ACBD5: variants seen among roughly 807,000 people sequenced by gnomAD.
ACBD5 encodes the protein acyl-CoA binding domain containing 5, also known as acyl-CoA-binding domain-containing protein 5.
Under a neutral mutation model 71.8 loss-of-function variants are expected in ACBD5, and 40 were observed. That is an observed-to-expected ratio of 0.56 (90% CI 0.43 to 0.72). The LOEUF (loss-of-function observed/expected upper bound fraction) is 0.72, where lower values mean the gene tolerates loss of function less well. Among genes scored for constraint, ACBD5 ranks in the 30% least tolerant of loss-of-function variants. The pLI, the probability that ACBD5 is intolerant of heterozygous loss-of-function variation, is 0.00. For missense variants in ACBD5, 559 were observed against 644.5 expected, an observed-to-expected ratio of 0.87 and a Z score of 1.44; for synonymous variants, 229 against 218.6, an observed-to-expected ratio of 1.05 and a Z score of -0.42.
chr10:27,197,966 C>T (rs527243359), intron 12 of ACBD5, among the ~76,000 whole-genome samples: 13 of 152,340 alleles, frequency 8.5e-5, no homozygotes, highest in African/African-American at 3.1e-4. Context: ...TTTAAATGTA[C>T]ATTCATCCTC....
intron 7 of ACBD5, among the ~76,000 whole-genome samples, chr10:27,217,537 C>G (rs1357759894): frequency 7.3e-5 from 11 of 151,238 alleles, no homozygotes. Context: ...AAAAAATAAG[C>G]CAGTGCATGG....
In ACBD5 at chr10:27,218,588, G is replaced by GT. The variant is rs11347518; in HGVS notation, c.626-406dup. Among the ~76,000 whole-genome samples, 310 of 142,906 alleles carry GT rather than the reference G, an allele frequency of 2.2e-3. 3 individuals are homozygous for GT. The highest frequency in any genetic ancestry group is 0.016 in the Admixed American group (233 of 14,280). 93.8% of individuals were successfully genotyped at this position (142,906 alleles called of 152,430 possible). On this transcript the variant is annotated intron_variant, in intron 6 of 12. Transcript: ENST00000396271. ...AGGGAAGGCAAAACTAAGTTACACAGTTTTTTTTTTTTTTTGAGACAAAGT... is the reference window on the plus strand; with the variant it reads ...AGGGAAGGCAAAACTAAGTTACACAGTTTTTTTTTTTTTTTTGAGACAAAGT...
chr10:27,217,464 A>G (rs1049668072), intron 7 of ACBD5, among the ~76,000 whole-genome samples: 24 of 151,226 alleles, frequency 1.6e-4, no homozygotes, highest in African/African-American at 5.8e-4. Flanking sequence ...TCAAAAAAAA[A>G]AAAAAGAGAA....
At chr10:27,209,422 G>A (rs933953857) in intron 9 of ACBD5, among the ~76,000 whole-genome samples, 3 of 152,000 alleles carry the variant, frequency 2.0e-5, no homozygotes, top group Non-Finnish European at 2.9e-5. Flanking sequence ...TCCCAGGTTC[G>A]GCCGATTCTC....
intron 13 of ACBD5, among the ~76,000 whole-genome samples, chr10:27,190,155 C>T (rs910393177): frequency 6.6e-6 from 1 of 151,944 alleles, no homozygotes; most frequent in Non-Finnish European, 1.5e-5. Flanking sequence ...CATGATGGTG[C>T]GCGCCAGTAA....
At chr10:27,186,908 T>C (rs2058793106) in intron 13 of ACBD5, 2 of 265,934 alleles carry the variant, frequency 7.5e-6, no homozygotes, top group Non-Finnish European at 7.3e-6. Flanking sequence ...AATAAAATAA[T>C]CATACAGTTC....
intron 13 of ACBD5, among the ~76,000 whole-genome samples, chr10:27,185,317 CCT>C (rs1000062740): frequency 6.6e-6 from 1 of 152,038 alleles, no homozygotes; most frequent in African/African-American, 2.4e-5. Flanking sequence ...ACTCTCTTCC[CCT>C]GAGTCAGGGA....
rs1382208743 is a variant in ACBD5, at chr10:27,232,067, A to G, written c.303-247T>C. Among the ~76,000 whole-genome samples the G allele has an allele frequency of 2.0e-5, 3 of 152,214 alleles. No individual in the cohort carries two copies. The East Asian group carries it at 5.8e-4, about 29-fold the overall frequency. ...AGTAATGTACCAGAGACTACAGACC[A>G]TTCATAAATATTTGATAAGAATCCT... On this transcript the variant is annotated intron_variant, in intron 3 of 12. Coordinates refer to ENST00000396271, the MANE Select transcript of ACBD5 (RefSeq NM_145698.5).
chr10:27,229,689 AAAC>A (rs1426236799), intron 4 of ACBD5, among the ~76,000 whole-genome samples: 125 of 152,354 alleles, frequency 8.2e-4, no homozygotes, highest in African/African-American at 2.9e-3. Flanking sequence ...CATTATTTAG[AAAC>A]ACGCAATTTT....
At chr10:27,202,923 T>C (rs1195561429) in intron 12 of ACBD5, among the ~76,000 whole-genome samples, 3 of 150,630 alleles carry the variant, frequency 2.0e-5, no homozygotes, top group Non-Finnish European at 4.4e-5. Context: ...GAATTGAAAA[T>C]GTATAGAAGA....
intron 4 of ACBD5, among the ~76,000 whole-genome samples, chr10:27,226,840 G>C (rs1318389767): frequency 1.3e-5 from 2 of 151,272 alleles, no homozygotes; most frequent in Non-Finnish European, 2.9e-5. Context: ...TTTTAGTAGA[G>C]ACGGGGTTTC....
chr10:27,241,309 T>C (rs1255443666), upstream of ACBD5, among the ~76,000 whole-genome samples: 1 of 152,236 alleles, frequency 6.6e-6, no homozygotes, highest in Admixed American at 6.5e-5. Context: ...ACTTAGCCTT[T>C]CCAGTGGCAA....
At chr10:27,187,504 C>A (rs980064926) in intron 13 of ACBD5, among the ~76,000 whole-genome samples, 2 of 152,156 alleles carry the variant, frequency 1.3e-5, no homozygotes, top group Non-Finnish European at 2.9e-5. Flanking sequence ...GTAATCCCGG[C>A]ACTTTGGGAG....
chr10:27,233,747 G>C (rs2064232069), intron 3 of ACBD5, among the ~76,000 whole-genome samples: 1 of 152,022 alleles, frequency 6.6e-6, no homozygotes, highest in African/African-American at 2.4e-5. Context: ...TTTAAAACAT[G>C]CTTCACCACT....
chr10:27,221,930 A>T (rs1211534399), intron 5 of ACBD5, among the ~76,000 whole-genome samples: 1 of 151,564 alleles, frequency 6.6e-6, no homozygotes, highest in Non-Finnish European at 1.5e-5. Flanking sequence ...AAAAAAAAAA[A>T]AAAAAAAAAG....
intron 8 of ACBD5, among the ~76,000 whole-genome samples, chr10:27,211,588 G>A (rs1395429696): frequency 1.3e-5 from 2 of 152,104 alleles, no homozygotes; most frequent in Non-Finnish European, 2.9e-5. Context: ...CAAACTGCTG[G>A]GATTACAGGA....
chr10:27,228,790 T>TG (rs1491345096), intron 4 of ACBD5, among the ~76,000 whole-genome samples: 52 of 23,398 alleles, frequency 2.2e-3, no homozygotes, highest in Non-Finnish European at 3.5e-3. Flanking sequence ...TCCTATTATG[T>TG]TTATATATAT....
chr10:27,219,749 ACTT>A lies in ACBD5; in HGVS notation c.596_598del (p.Glu199del), dbSNP rs1564646359. 3 of 1,613,684 alleles carry A rather than the reference ACTT, an allele frequency of 1.9e-6. No homozygotes were observed. Among genetic ancestry groups the A allele is most frequent in the Admixed American group, 3.3e-5 (2 of 59,972 alleles). ...ATTATCACTTTGTTCTGCTCCTTTC[ACTT>A]CTTCTTGGGCCTCTTCTTCCTCAGA... On this transcript the variant is annotated inframe_deletion, in exon 6 of 13. Transcript: ENST00000396271.
intron 13 of ACBD5, among the ~76,000 whole-genome samples, chr10:27,184,058 A>G (rs1382201485): frequency 6.6e-6 from 1 of 152,128 alleles, no homozygotes; most frequent in East Asian, 1.9e-4. Context: ...AGTGCCTTCT[A>G]GGAGCTAGGT....
Sources: allele counts gnomAD v4.1 joint callset (sites outside exome capture counted in the v4.1 genomes callset), GRCh38; gene constraint gnomAD v4.1.1; transcripts MANE v1.5; gene names NCBI Gene and HGNC (gene_info 2026-07-23, HGNC 2026-07-21).